RTN4: variants seen among roughly 807,000 people sequenced by gnomAD.
The protein encoded by RTN4 is reticulon-4.
RTN4 carries 32 observed loss-of-function variants against 90.4 expected under a neutral mutation model. That is an observed-to-expected ratio of 0.35 (90% CI 0.27 to 0.48). The LOEUF is 0.48. Ranked by LOEUF, RTN4 falls within the 20% of genes least tolerant of loss-of-function variation. The pLI, the probability that RTN4 is intolerant of heterozygous loss-of-function variation, is 0.99. For missense variants in RTN4, 1,706 were observed against 1,430.2 expected (o/e 1.19, Z -3.11); for synonymous variants, 629 against 552.5 (o/e 1.14, Z -1.94).
chr2:54,997,524 G>C (rs889592202), intron 3 of RTN4, among the ~76,000 whole-genome samples: 3 of 152,010 alleles, frequency 2.0e-5, no homozygotes, highest in African/African-American at 7.2e-5. Context: ...CAAGAAACTA[G>C]AAAACACAAA....
the RTN4 span, among the ~76,000 whole-genome samples, chr2:55,131,483 C>T: frequency 6.6e-6 from 1 of 152,162 alleles, no homozygotes; most frequent in South Asian, 2.1e-4. Context: ...TCTAGGATTA[C>T]AGACGTGAGC....
At chr2:55,053,639 T>G (rs1210188825), upstream of RTN4, among the ~76,000 whole-genome samples, 1 of 148,690 alleles carries the variant, frequency 6.7e-6, no homozygotes. Context: ...TGAGCCAAGA[T>G]CATGCCATTG....
chr2:55,037,494 T>G (rs577105293), intron 1 of RTN4, among the ~76,000 whole-genome samples: 1 of 152,332 alleles, frequency 6.6e-6, no homozygotes, highest in Non-Finnish European at 1.5e-5. Flanking sequence ...CTGCTACAGG[T>G]GCAGATCTCA....
In RTN4 at chr2:54,974,717, A is replaced by G. The variant is rs146763580; in HGVS notation, c.3408T>C (p.Asn1136=). ...TACCCAAAATCAGTAGTGTCAGACC[A>G]TTAAACAAGGCACCAACATAGGTAA... is the stretch of plus-strand genomic sequence containing the variant. The part of the protein sequence containing the change: ...WVFTYVGALF[N]GLTLLILALI... Residue 1136 remains asparagine, a synonymous_variant, in exon 6 of 9, where the codon AAT becomes AAC. Transcript: ENST00000337526. 5 of 1,613,928 alleles carry G rather than the reference A, an allele frequency of 3.1e-6. No homozygotes were observed. In the African/African-American group the frequency reaches 4.0e-5, roughly 13 times the overall value.
intron 5 of RTN4, among the ~76,000 whole-genome samples, chr2:54,980,993 T>C (rs1429949142): frequency 2.6e-5 from 4 of 152,242 alleles, no homozygotes; most frequent in African/African-American, 7.2e-5. Flanking sequence ...TAACCAAGCA[T>C]GCCAAACAAC....
upstream of RTN4, among the ~76,000 whole-genome samples, chr2:55,113,120 G>C (rs1430314531): frequency 6.6e-6 from 1 of 152,178 alleles, no homozygotes; most frequent in Non-Finnish European, 1.5e-5. Context: ...ACCGTGACCT[G>C]ACATTAAGAG....
intron 1 of RTN4, among the ~76,000 whole-genome samples, chr2:55,108,867 T>C (rs1192132106): frequency 1.3e-5 from 2 of 152,124 alleles, no homozygotes; most frequent in Non-Finnish European, 2.9e-5. Context: ...ACAGGAGCTC[T>C]TCACAGCCAT....
intron 2 of RTN4, among the ~76,000 whole-genome samples, chr2:55,066,761 T>C (rs1668401796): frequency 6.6e-6 from 1 of 152,120 alleles, no homozygotes; most frequent in African/African-American, 2.4e-5. Flanking sequence ...TATTAATCTT[T>C]TCTGCGTTTG....
At chr2:55,016,230 T>A (rs1208025238) in intron 3 of RTN4, among the ~76,000 whole-genome samples, 3 of 152,176 alleles carry the variant, frequency 2.0e-5, no homozygotes, top group Non-Finnish European at 4.4e-5. Context: ...TTTTAAAAGC[T>A]TATAAACAAT....
rs1317938415 is a variant in RTN4, at chr2:55,027,174, T to C, written c.925A>G (p.Lys309Glu). 2 of 1,613,570 alleles carry C rather than the reference T, an allele frequency of 1.2e-6. No individual in the cohort carries two copies. The highest frequency in any genetic ancestry group is 1.7e-6 in the Non-Finnish European group (2 of 1,179,818). ...GCTACTATTACGGCAGATTCTGCTT[T>C]TGGAGAGACACTGAACGATGATCCC... is the stretch of plus-strand genomic sequence containing the variant. ...EMGSSFSVSP[K>E]AESAVIVANP... is the part of the protein sequence containing the mutation. Residue 309 changes from lysine (K) to glutamate (E), a missense_variant, in exon 3 of 9, where the codon AAA (lysine) becomes GAA (glutamate). By Grantham distance (56) the Lys-to-Glu change is moderately conservative. Coordinates refer to ENST00000337526, the MANE Select transcript of RTN4 (RefSeq NM_020532.5).
chr2:55,065,755 A>C (rs1186813657), intron 2 of RTN4, among the ~76,000 whole-genome samples: 376 of 3,144 alleles, frequency 0.12, 1 homozygote, highest in Middle Eastern at 0.33. Context: ...GCTAGATAAT[A>C]AAAAAAAAAC....
At chr2:55,100,785 T>C (rs1209704264) in intron 1 of RTN4, among the ~76,000 whole-genome samples, 1 of 152,154 alleles carries the variant, frequency 6.6e-6, no homozygotes, top group African/African-American at 2.4e-5. Context: ...CTAGAAATTC[T>C]CAGGATGCAC....
At chr2:55,127,927 T>TG in the RTN4 span, among the ~76,000 whole-genome samples, 1 of 152,100 alleles carries the variant, frequency 6.6e-6, no homozygotes, top group East Asian at 1.9e-4. Context: ...TTTTTTTTTT[T>TG]TGGACACAGG....
chr2:55,092,106 C>T (rs1668949304), intron 1 of RTN4, among the ~76,000 whole-genome samples: 1 of 151,598 alleles, frequency 6.6e-6, no homozygotes, highest in South Asian at 2.1e-4. Flanking sequence ...GGGAAGATTG[C>T]TTGAGTCCAG....
Position 55,026,354 on chromosome 2 carries a change from G to C in RTN4, c.1745C>G (p.Thr582Arg), listed in dbSNP as rs1681872611. 1 of 1,613,928 alleles carries C rather than the reference G, an allele frequency of 6.2e-7. No individual in the cohort carries two copies. The highest frequency in any genetic ancestry group is 8.5e-7 in the Non-Finnish European group (1 of 1,179,914). The change falls in exon 3 of 9, where the codon ACA becomes AGA. Residue 582 changes from threonine (T) to arginine (R), a missense_variant. Coordinates refer to ENST00000337526, the MANE Select transcript of RTN4 (RefSeq NM_020532.5). Reference protein sequence around the residue: ...AYETKMDLVQTSEVMQESLYP... With the variant: ...AYETKMDLVQRSEVMQESLYP... Reference sequence around the variant, plus strand: ...GAGTGACTCTTGCATAACTTCTGATGTTTGAACCAAGTCCATTTTTGTTTC... The same window carrying C: ...GAGTGACTCTTGCATAACTTCTGATCTTTGAACCAAGTCCATTTTTGTTTC...
At chr2:54,994,740 G>C (rs529297395) in intron 3 of RTN4, among the ~76,000 whole-genome samples, 22 of 152,212 alleles carry the variant, frequency 1.4e-4, no homozygotes, top group African/African-American at 4.6e-4. Flanking sequence ...GACATACAAG[G>C]CATCCATATT....
At chr2:55,071,321 C>T (rs1328682867) in intron 2 of RTN4, among the ~76,000 whole-genome samples, 1 of 151,876 alleles carries the variant, frequency 6.6e-6, no homozygotes. Flanking sequence ...AGCAATAGTA[C>T]CTTCCCTACC....
upstream of RTN4, among the ~76,000 whole-genome samples, chr2:55,051,576 C>T (rs570425734): frequency 2.6e-5 from 4 of 152,292 alleles, no homozygotes; most frequent in African/African-American, 9.6e-5. Flanking sequence ...CACTGCATGC[C>T]TACTCTGGAG....
At chr2:55,010,931 C>T (rs1031214834) in intron 3 of RTN4, among the ~76,000 whole-genome samples, 1 of 152,216 alleles carries the variant, frequency 6.6e-6, no homozygotes, top group African/African-American at 2.4e-5. Flanking sequence ...GACACCTCTA[C>T]AGACAGTATT....
Sources: gnomAD v4.1 joint callset for allele counts (sites outside exome capture counted in the v4.1 genomes callset) on GRCh38, gnomAD v4.1.1 for gene constraint, MANE v1.5 for transcripts, NCBI Gene and HGNC (gene_info 2026-07-23, HGNC 2026-07-21) for gene names.